Variants in TSHR observed in about 807,000 individuals in gnomAD.
TSHR encodes thyrotropin receptor.
A neutral mutation model predicts 64.1 loss-of-function variants in TSHR; 51 were observed. The ratio of observed to expected loss-of-function variants is 0.80; its 90% CI spans 0.64 to 1.01. TSHR has a LOEUF of 1.01. Ranked by LOEUF, TSHR falls within the 50% of genes least tolerant of loss-of-function variation. TSHR has a pLI of 0.00. For missense variants in TSHR, 877 were observed against 942.8 expected (o/e 0.93, Z 0.91); for synonymous variants, 361 against 361.9 (o/e 1.00, Z 0.03).
intron 8 of TSHR, among the ~76,000 whole-genome samples, chr14:81,136,613 G>A (rs1891465574): frequency 2.0e-5 from 3 of 152,220 alleles, no homozygotes; most frequent in Non-Finnish European, 2.9e-5. Context: ...TATACAAGTT[G>A]AGGTCTGGAC....
In TSHR at chr14:81,046,275, T is replaced by C. The variant is rs1885163197; in HGVS notation, c.171-15873T>C. Among the ~76,000 whole-genome samples the C allele has an allele frequency of 4.6e-5, 7 of 152,182 alleles. No homozygotes were observed. The South Asian group carries it at 1.5e-3, about 32-fold the overall frequency. On this transcript the variant is annotated intron_variant, in intron 1 of 9. Coordinates refer to ENST00000298171, the MANE Select transcript of TSHR (RefSeq NM_000369.5). ...ATTAACAAGAAATGACATTAAAACA[T>C]CTATTATAAGTCTTCTAAACAACCT...
chr14:81,061,620 G>A (rs978439042), intron 1 of TSHR, among the ~76,000 whole-genome samples: 1 of 151,950 alleles, frequency 6.6e-6, no homozygotes, highest in Non-Finnish European at 1.5e-5. Flanking sequence ...AAAGAGAACA[G>A]ACACTGGGGC....
chr14:80,988,150 G>A (rs1337995642), intron 1 of TSHR, among the ~76,000 whole-genome samples: 1 of 152,088 alleles, frequency 6.6e-6, no homozygotes, highest in Non-Finnish European at 1.5e-5. Context: ...ATCATGCATT[G>A]GGTAAAAATT....
At chr14:81,120,966 G>A (rs914623438) in intron 8 of TSHR, among the ~76,000 whole-genome samples, 3 of 151,774 alleles carry the variant, frequency 2.0e-5, no homozygotes, top group Non-Finnish European at 4.4e-5. Context: ...AAGATAAAGG[G>A]AAAAATGGCA....
chr14:81,136,330 C>T (rs1595168672), intron 8 of TSHR, among the ~76,000 whole-genome samples: 1 of 152,150 alleles, frequency 6.6e-6, no homozygotes, highest in African/African-American at 2.4e-5. Flanking sequence ...GATGCAAATA[C>T]GTGGATTTGA....
intron 1 of TSHR, among the ~76,000 whole-genome samples, chr14:80,976,052 C>T (rs1887854004): frequency 6.6e-6 from 1 of 152,056 alleles, no homozygotes; most frequent in Admixed American, 6.6e-5. Context: ...GCTGGGACTA[C>T]AGGCACCCGC....
chr14:81,114,811 A>C (rs1450433594), intron 8 of TSHR, among the ~76,000 whole-genome samples: 3 of 152,194 alleles, frequency 2.0e-5, no homozygotes, highest in African/African-American at 4.8e-5. Flanking sequence ...CCGTGGTTCT[A>C]CCAGCACGCA....
intron 8 of TSHR, among the ~76,000 whole-genome samples, chr14:81,114,741 A>G (rs1322358443): frequency 6.6e-6 from 1 of 152,200 alleles, no homozygotes; most frequent in African/African-American, 2.4e-5. Flanking sequence ...ACAGACAAAC[A>G]AAAAGACAGC....
At chr14:81,110,332 G>A (rs550446447) in intron 8 of TSHR, among the ~76,000 whole-genome samples, 38 of 152,262 alleles carry the variant, frequency 2.5e-4, no homozygotes, top group Non-Finnish European at 4.9e-4. Flanking sequence ...AATCCAATCT[G>A]ACAGGTGGCC....
chr14:81,043,193 G>A (rs576515020), intron 1 of TSHR, among the ~76,000 whole-genome samples: 1 of 152,210 alleles, frequency 6.6e-6, no homozygotes, highest in South Asian at 2.1e-4. Flanking sequence ...AAACCCCATA[G>A]TTTCAGCCCA....
intron 8 of TSHR, among the ~76,000 whole-genome samples, chr14:81,136,087 T>C (rs1891444252): frequency 6.6e-6 from 1 of 152,196 alleles, no homozygotes; most frequent in Non-Finnish European, 1.5e-5. Context: ...ACAGAGGTAG[T>C]CCAGTGCTAG....
At chr14:81,136,599 T>C (rs996358757) in intron 8 of TSHR, among the ~76,000 whole-genome samples, 1 of 152,170 alleles carries the variant, frequency 6.6e-6, no homozygotes, top group African/African-American at 2.4e-5. Context: ...AATAAGCAGT[T>C]GGATATACAA....
chr14:81,016,421 G>A (rs1883408445), intron 1 of TSHR, among the ~76,000 whole-genome samples: 4 of 152,132 alleles, frequency 2.6e-5, no homozygotes, highest in South Asian at 2.1e-4. Flanking sequence ...ATTTCTGTAT[G>A]TCTTCTTTTG....
At chr14:80,982,257 C>T (rs1347981755) in intron 1 of TSHR, 5 of 704,062 alleles carry the variant, frequency 7.1e-6, no homozygotes, top group Admixed American at 2.5e-5. Context: ...ATTTCAGTCC[C>T]GAGGCTGGGA....
intron 3 of TSHR, among the ~76,000 whole-genome samples, chr14:81,082,325 C>T (rs192948309): frequency 6.6e-5 from 10 of 152,344 alleles, no homozygotes; most frequent in Middle Eastern, 3.4e-3. Flanking sequence ...CTCTTTAGAG[C>T]AAAACCTAGA....
chr14:81,007,129 A>C (rs961872154), intron 1 of TSHR, among the ~76,000 whole-genome samples: 1 of 152,196 alleles, frequency 6.6e-6, no homozygotes, highest in Non-Finnish European at 1.5e-5. Context: ...ATGTGATGCT[A>C]TCTGGAGATG....
intron 1 of TSHR, among the ~76,000 whole-genome samples, chr14:80,959,947 C>T (rs914028054): frequency 6.6e-6 from 1 of 152,018 alleles, no homozygotes; most frequent in Non-Finnish European, 1.5e-5. Flanking sequence ...AGCATGACTT[C>T]GTACAAATAA....
chr14:80,979,144 T>C (rs1369560195), intron 1 of TSHR, among the ~76,000 whole-genome samples: 1 of 152,258 alleles, frequency 6.6e-6, no homozygotes, highest in African/African-American at 2.4e-5. Context: ...CATAGTCATC[T>C]GCAACAACAT....
At chr14:81,082,984 G>A (rs976552307) in intron 3 of TSHR, among the ~76,000 whole-genome samples, 2 of 151,868 alleles carry the variant, frequency 1.3e-5, no homozygotes, top group African/African-American at 4.8e-5. Context: ...GAATAATTGA[G>A]GTAGGAAGGG....
Sources: allele counts gnomAD v4.1 joint callset (sites outside exome capture counted in the v4.1 genomes callset), GRCh38; gene constraint gnomAD v4.1.1; transcripts MANE v1.5; gene names NCBI Gene and HGNC (gene_info 2026-07-23, HGNC 2026-07-21).